Variants in AUTS2 observed in about 807,000 individuals in gnomAD.
The protein encoded by AUTS2 is activator of transcription and developmental regulator AUTS2.
A neutral mutation model predicts 112.4 loss-of-function variants in AUTS2; 17 were observed. The ratio of observed to expected loss-of-function variants is 0.15; its 90% CI spans 0.10 to 0.23. The LOEUF (loss-of-function observed/expected upper bound fraction) is 0.23, where lower values mean the gene tolerates loss of function less well. AUTS2 is among the 10% of genes least tolerant of loss of function. The probability of loss-of-function intolerance (pLI) is 1.00; values close to 1 mark genes in which losing one functional copy is unlikely to be tolerated. For synonymous variants in AUTS2, 751 were observed against 702.7 expected (o/e 1.07, Z -1.09); for missense variants, 1,510 against 1,701.6 (o/e 0.89, Z 1.98).
intron 1 of AUTS2, among the ~76,000 whole-genome samples, chr7:69,864,763 T>C (rs1266023660): frequency 6.6e-6 from 1 of 152,210 alleles, no homozygotes; most frequent in Non-Finnish European, 1.5e-5. Context: ...TGCATAATGC[T>C]GTTGGGTTGG....
rs1424297363 is a variant in AUTS2, at chr7:70,592,289, C to T, written c.691-106280C>T. 4.6e-5 allele frequency among the ~76,000 whole-genome samples: 7 copies of T among 152,260 alleles called. No homozygotes were observed. The East Asian group carries it at 1.4e-3, about 29-fold the overall frequency. ...GAATTGAGTTCGGAGCCAAACTGCC[C>T]AGGTTTGAATTCAGCTCTGCCACTT... On this transcript the variant is annotated intron_variant, in intron 5 of 18. Coordinates refer to ENST00000342771, the MANE Select transcript of AUTS2 (RefSeq NM_015570.4).
intron 6 of AUTS2, among the ~76,000 whole-genome samples, chr7:70,759,773 G>C (rs368089099): frequency 6.6e-6 from 1 of 152,132 alleles, no homozygotes; most frequent in Non-Finnish European, 1.5e-5. Context: ...CTTGAGGCTC[G>C]TTCAAGAACA....
chr7:70,349,012 G>A (rs1791631055), intron 4 of AUTS2, among the ~76,000 whole-genome samples: 1 of 152,140 alleles, frequency 6.6e-6, no homozygotes, highest in Non-Finnish European at 1.5e-5. Flanking sequence ...AGTTACTAAG[G>A]TCAGGAACTA....
At chr7:70,633,335 G>A (rs999123240) in intron 5 of AUTS2, among the ~76,000 whole-genome samples, 2 of 152,152 alleles carry the variant, frequency 1.3e-5, no homozygotes, top group Admixed American at 1.3e-4. Context: ...CACAGAACAT[G>A]GGCCAGGTGC....
intron 1 of AUTS2, among the ~76,000 whole-genome samples, chr7:69,661,341 A>G (rs1350754584): frequency 6.6e-6 from 1 of 152,224 alleles, no homozygotes; most frequent in Non-Finnish European, 1.5e-5. Flanking sequence ...AAAGGGTAAA[A>G]TTTGAAAGTA....
intron 6 of AUTS2, among the ~76,000 whole-genome samples, chr7:70,739,635 CT>C (rs1787986298): frequency 6.6e-6 from 1 of 151,954 alleles, no homozygotes; most frequent in South Asian, 2.1e-4. Context: ...GTTGTAGAAT[CT>C]TTTGTTTGGA....
Position 69,743,160 on chromosome 7 carries a change from T to G in AUTS2, c.309+143198T>G, listed in dbSNP as rs114271562. On this transcript the variant is annotated intron_variant, in intron 1 of 18. Coordinates refer to ENST00000342771, the MANE Select transcript of AUTS2 (RefSeq NM_015570.4). The stretch of plus-strand genomic sequence containing the variant: ...GTTTTTCTTGTGACTTTGGGCAAGT[T>G]ACCTAACCTCTCAGTGCCTCAGTTT... Among the ~76,000 whole-genome samples, 443 of 152,320 alleles carry G rather than the reference T, an allele frequency of 2.9e-3. 5 individuals carry two copies. The highest frequency in any genetic ancestry group is 0.01 in the African/African-American group (429 of 41,570).
chr7:69,665,854 T>C (rs925655439), intron 1 of AUTS2, among the ~76,000 whole-genome samples: 5 of 152,200 alleles, frequency 3.3e-5, no homozygotes, highest in Middle Eastern at 3.2e-3. Context: ...TGTTGCTATC[T>C]GTTCATTTCT....
rs141991532 is a variant in AUTS2, at chr7:70,480,598, C to T, written c.690+44817C>T. On this transcript the variant is annotated intron_variant, in intron 5 of 18. Coordinates refer to ENST00000342771, the MANE Select transcript of AUTS2 (RefSeq NM_015570.4). ...AGGTGCTCTTGGGAATAAGATGATA[C>T]GTATACCCAAGAGCACTTGATCAGT... Among the ~76,000 whole-genome samples the T allele has an allele frequency of 5.9e-3, 892 of 152,236 alleles. 9 individuals are homozygous for T. Among genetic ancestry groups the T allele is most frequent in the African/African-American group, 0.02 (836 of 41,528 alleles).
chr7:70,779,346 A>C (rs1790914278), intron 14 of AUTS2, among the ~76,000 whole-genome samples: 1 of 152,168 alleles, frequency 6.6e-6, no homozygotes, highest in African/African-American at 2.4e-5. Context: ...GAAAGAGCCT[A>C]CGCCTGCAGG....
At chr7:69,718,982 A>AT (rs1322147587) in intron 1 of AUTS2, among the ~76,000 whole-genome samples, 6 of 152,164 alleles carry the variant, frequency 3.9e-5, no homozygotes, top group Non-Finnish European at 8.8e-5. Flanking sequence ...GAAGCTAGAG[A>AT]TCCTCTTAGC....
chr7:70,204,552 A>G (rs1810473094), intron 4 of AUTS2, among the ~76,000 whole-genome samples: 1 of 152,164 alleles, frequency 6.6e-6, no homozygotes, highest in Admixed American at 6.5e-5. Flanking sequence ...TAGCTCAATA[A>G]GAGGCCCTGT....
intron 1 of AUTS2, among the ~76,000 whole-genome samples, chr7:69,683,873 T>C (rs376722655): frequency 6.6e-5 from 10 of 152,196 alleles, no homozygotes; most frequent in African/African-American, 1.2e-4. Context: ...ATTGTGCCAC[T>C]GCACTTCAGC....
At chr7:69,664,019 A>G (rs2129146273) in intron 1 of AUTS2, among the ~76,000 whole-genome samples, 1 of 152,328 alleles carries the variant, frequency 6.6e-6, no homozygotes, top group Non-Finnish European at 1.5e-5. Flanking sequence ...TCAGAAAGAA[A>G]AGAATCTTTG....
intron 5 of AUTS2, among the ~76,000 whole-genome samples, chr7:70,496,016 C>G (rs1562993895): frequency 9.2e-6 from 1 of 109,076 alleles, no homozygotes; most frequent in Non-Finnish European, 1.9e-5. Flanking sequence ...GTCACACACA[C>G]ACACCCCCCC....
chr7:70,425,972 G>A (rs80009754), intron 4 of AUTS2, among the ~76,000 whole-genome samples: 2 of 151,990 alleles, frequency 1.3e-5, no homozygotes, highest in African/African-American at 4.8e-5. Context: ...CTCAATTAAC[G>A]TTCTTAGCAA....
At chr7:69,922,207 A>C (rs1795844657) in intron 2 of AUTS2, among the ~76,000 whole-genome samples, 1 of 152,248 alleles carries the variant, frequency 6.6e-6, no homozygotes, top group African/African-American at 2.4e-5. Context: ...TCATGCACGC[A>C]GTCTGTGAAA....
At chr7:70,499,118 G>A (rs530059995) in intron 5 of AUTS2, among the ~76,000 whole-genome samples, 3 of 152,296 alleles carry the variant, frequency 2.0e-5, no homozygotes, top group South Asian at 2.1e-4. Context: ...CGAGTAAGAC[G>A]GGTCCCTGCT....
At chr7:70,277,458 T>A (rs1393123545) in intron 4 of AUTS2, among the ~76,000 whole-genome samples, 1 of 152,320 alleles carries the variant, frequency 6.6e-6, no homozygotes, top group African/African-American at 2.4e-5. Context: ...ATCTTGACTC[T>A]TAGTACTCAA....
Sources: gnomAD v4.1 joint callset for allele counts (sites outside exome capture counted in the v4.1 genomes callset) on GRCh38, gnomAD v4.1.1 for gene constraint, MANE v1.5 for transcripts, NCBI Gene and HGNC (gene_info 2026-07-23, HGNC 2026-07-21) for gene names.